The following IL20RA variants were observed in gnomAD, a reference collection of about 807,000 sequenced individuals.
IL20RA encodes interleukin-20 receptor subunit alpha.
Under a neutral mutation model 36.5 loss-of-function variants are expected in IL20RA, and 29 were observed. The ratio of observed to expected loss-of-function variants is 0.79; its 90% CI spans 0.59 to 1.08. IL20RA has a LOEUF of 1.08. IL20RA is among the 50% of genes least tolerant of loss of function. The pLI is 0.00. For synonymous variants in IL20RA, 279 were observed against 267.1 expected, an observed-to-expected ratio of 1.04 and a Z score of -0.43; for missense variants, 652 against 668.4, an observed-to-expected ratio of 0.98 and a Z score of 0.27.
intron 1 of IL20RA, among the ~76,000 whole-genome samples, chr6:137,018,982 T>C (rs1775806318): frequency 6.6e-6 from 1 of 152,048 alleles, no homozygotes; most frequent in African/African-American, 2.4e-5. Context: ...TTTATAGAAA[T>C]GAAAAGGAAA....
intron 1 of IL20RA, among the ~76,000 whole-genome samples, chr6:137,042,552 G>C (rs377474022): frequency 4.1e-4 from 62 of 152,334 alleles, no homozygotes; most frequent in African/African-American, 1.4e-3. Flanking sequence ...AGGGGTCCAA[G>C]AGTGAATGAC....
intron 5 of IL20RA, 49 bp downstream of exon 5, chr6:137,008,550 G>C (rs772671899): frequency 2.0e-6 from 3 of 1,522,974 alleles, no homozygotes; most frequent in Non-Finnish European, 2.7e-6. Context: ...CCGACTTCTA[G>C]TTTTAGCAGA....
At chr6:137,026,094 A>G (rs571834219) in intron 1 of IL20RA, among the ~76,000 whole-genome samples, 1 of 152,316 alleles carries the variant, frequency 6.6e-6, no homozygotes, top group East Asian at 1.9e-4. Flanking sequence ...GGGACCATTC[A>G]AGTTTCTGAA....
chr6:137,001,842 G>C lies in IL20RA; in HGVS notation c.1378C>G (p.Leu460Val), dbSNP rs1488647413. The change falls in exon 7 of 7, where the codon CTG becomes GTG. Residue 460 changes from leucine to valine, a missense_variant. Physicochemically the swap from Leu to Val is conservative, Grantham distance 32 (BLOSUM62 1). Transcript: ENST00000316649. The part of the protein sequence containing the change: ...YTPQLQDLDP[L>V]AQEHTDSEEG... ...TCCGAGTCTGTGTGCTCCTGCGCCA[G>C]GGGGTCTAAGTCTTGGAGCTGAGGG... is the stretch of plus-strand genomic sequence containing the variant. The C allele has an allele frequency of 4.3e-6, 7 of 1,613,478 alleles. No individual in the cohort carries two copies. Among genetic ancestry groups the C allele is most frequent in the East Asian group, 2.2e-5 (1 of 44,872 alleles).
intron 1 of IL20RA, among the ~76,000 whole-genome samples, chr6:137,017,801 TAAGAAA>T (rs1191613012): frequency 6.6e-6 from 1 of 152,174 alleles, no homozygotes; most frequent in Non-Finnish European, 1.5e-5. Context: ...AGGTGCACTC[TAAGAAA>T]AACTGTATCC....
chr6:137,017,661 C>A (rs748811074), intron 1 of IL20RA, among the ~76,000 whole-genome samples: 5 of 151,974 alleles, frequency 3.3e-5, no homozygotes, highest in Non-Finnish European at 7.4e-5. Flanking sequence ...GAGTAGGTGA[C>A]CCCGAGAGGC....
intron 1 of IL20RA, among the ~76,000 whole-genome samples, chr6:137,024,422 T>C (rs1375149450): frequency 6.6e-6 from 1 of 152,164 alleles, no homozygotes; most frequent in African/African-American, 2.4e-5. Flanking sequence ...TTTTAACAAA[T>C]AGATTTATGG....
chr6:137,034,814 G>C (rs913701863), intron 1 of IL20RA, among the ~76,000 whole-genome samples: 1 of 151,974 alleles, frequency 6.6e-6, no homozygotes, highest in African/African-American at 2.4e-5. Flanking sequence ...GCGTGGTGGC[G>C]GGCGCCTGTA....
At chr6:137,026,732 T>C (rs1361239926) in intron 1 of IL20RA, among the ~76,000 whole-genome samples, 1 of 152,216 alleles carries the variant, frequency 6.6e-6, no homozygotes, top group Non-Finnish European at 1.5e-5. Flanking sequence ...TGCCTTCACA[T>C]AGATTATCTT....
chr6:137,026,099 T>G (rs1268813506), intron 1 of IL20RA, among the ~76,000 whole-genome samples: 1 of 152,250 alleles, frequency 6.6e-6, no homozygotes, highest in African/African-American at 2.4e-5. Flanking sequence ...CATTCAAGTT[T>G]CTGAAGCTTA....
intron 1 of IL20RA, among the ~76,000 whole-genome samples, chr6:137,024,157 C>T (rs925648277): frequency 1.3e-5 from 2 of 151,962 alleles, no homozygotes; most frequent in Non-Finnish European, 2.9e-5. Flanking sequence ...AGAAATAGTA[C>T]ATTTAAAAAA....
chr6:137,011,384 G>A lies in IL20RA; in HGVS notation c.293C>T (p.Ser98Phe). 1 of 1,613,776 alleles carries A rather than the reference G, an allele frequency of 6.2e-7. No homozygotes were observed. Among genetic ancestry groups the A allele is most frequent in the Non-Finnish European group, 8.5e-7 (1 of 1,179,698 alleles). ...GTGTTCGTAGTCAGAAGTTTCAGCA[G>A]AAAGATCACAGTAGGTTCTATTGAT... Reference protein sequence around the residue: ...RNINRTYCDLSAETSDYEHQY... With the variant: ...RNINRTYCDLFAETSDYEHQY... The change falls in exon 3 of 7, where the codon TCT becomes TTT. Residue 98 changes from serine to phenylalanine, a missense_variant. Ser to Phe is a radical substitution (Grantham distance 155). Coordinates refer to ENST00000316649, the MANE Select transcript of IL20RA (RefSeq NM_014432.4).
chr6:137,006,221 T>C (rs897594528), intron 5 of IL20RA, among the ~76,000 whole-genome samples: 1 of 152,218 alleles, frequency 6.6e-6, no homozygotes, highest in Non-Finnish European at 1.5e-5. Flanking sequence ...AGATGTGTCA[T>C]GGCTGATGAG....
At chr6:137,035,320 A>G (rs150976255) in intron 1 of IL20RA, among the ~76,000 whole-genome samples, 255 of 152,326 alleles carry the variant, frequency 1.7e-3, no homozygotes, top group Non-Finnish European at 2.7e-3. Context: ...ATATATACAT[A>G]TGCATACATG....
At chr6:137,019,497 A>G (rs916302069) in intron 1 of IL20RA, among the ~76,000 whole-genome samples, 1 of 152,180 alleles carries the variant, frequency 6.6e-6, no homozygotes, top group Non-Finnish European at 1.5e-5. Flanking sequence ...TACCCAAAAA[A>G]GTTTTGAGAA....
intron 1 of IL20RA, among the ~76,000 whole-genome samples, chr6:137,039,509 C>G (rs1776606741): frequency 6.6e-6 from 1 of 152,174 alleles, no homozygotes; most frequent in African/African-American, 2.4e-5. Context: ...AGCTGCAGTA[C>G]AGAAATCAGA....
At chr6:137,020,837 T>C (rs276477) in intron 1 of IL20RA, among the ~76,000 whole-genome samples, 1 of 152,076 alleles carries the variant, frequency 6.6e-6, no homozygotes, top group Non-Finnish European at 1.5e-5. Flanking sequence ...AGACCTGCAG[T>C]TTCTTCCTTT....
At chr6:137,044,242 C>A (rs1776815295) in intron 1 of IL20RA, 4 of 990,588 alleles carry the variant, frequency 4.0e-6, no homozygotes, top group Middle Eastern at 5.1e-4. Flanking sequence ...CCCCTCCGCG[C>A]GGCCGCGGCG....
intron 1 of IL20RA, among the ~76,000 whole-genome samples, chr6:137,038,453 T>G (rs1301191946): frequency 6.6e-6 from 1 of 151,978 alleles, no homozygotes; most frequent in East Asian, 1.9e-4. Flanking sequence ...TGCCTCAACC[T>G]CCCAAAGCTC....
Sources: allele counts gnomAD v4.1 joint callset (sites outside exome capture counted in the v4.1 genomes callset), GRCh38; gene constraint gnomAD v4.1.1; transcripts MANE v1.5; gene names NCBI Gene and HGNC (gene_info 2026-07-23, HGNC 2026-07-21).